Variants in RBM33 observed in about 807,000 individuals in gnomAD.
The protein encoded by RBM33 is RNA binding motif protein 33, also known as RNA-binding protein 33.
In RBM33, 28 loss-of-function variants were observed where a neutral mutation model predicts 132.6. That is an observed-to-expected ratio of 0.21 (90% CI 0.16 to 0.29). The LOEUF (loss-of-function observed/expected upper bound fraction) is 0.29, where lower values mean the gene tolerates loss of function less well. Among genes scored for constraint, RBM33 ranks in the 10% least tolerant of loss-of-function variants. The pLI is 1.00. For missense variants in RBM33, 1,291 were observed against 1,518.5 expected, an observed-to-expected ratio of 0.85 and a Z score of 2.49; for synonymous variants, 634 against 593.0, an observed-to-expected ratio of 1.07 and a Z score of -1.01.
intron 2 of RBM33, among the ~76,000 whole-genome samples, chr7:155,670,751 T>C (rs1036494775): frequency 6.6e-6 from 1 of 152,232 alleles, no homozygotes; most frequent in African/African-American, 2.4e-5. Context: ...GGGGCTGCTG[T>C]TTATACTTGC....
intron 9 of RBM33, among the ~76,000 whole-genome samples, chr7:155,731,817 A>G (rs1800964451): frequency 6.6e-6 from 1 of 152,236 alleles, no homozygotes; most frequent in African/African-American, 2.4e-5. Context: ...GCAGTAAGAT[A>G]CAATCATGGA....
chr7:155,738,431 GA>G, intron 11 of RBM33, 28 bp downstream of exon 11: 1 of 1,565,250 alleles, frequency 6.4e-7, no homozygotes, highest in Non-Finnish European at 8.7e-7. Context: ...AACCTCCAGG[GA>G]AAAAATGTGT....
chr7:155,685,700 A>G (rs1028606210), intron 5 of RBM33, among the ~76,000 whole-genome samples: 15 of 152,206 alleles, frequency 9.9e-5, no homozygotes, highest in African/African-American at 3.4e-4. Context: ...GGGGTGAGGC[A>G]TAGAGTTAAA....
At chr7:155,685,851 T>C (rs1188144495) in intron 5 of RBM33, among the ~76,000 whole-genome samples, 1 of 152,252 alleles carries the variant, frequency 6.6e-6, no homozygotes, top group Non-Finnish European at 1.5e-5. Context: ...AAAACTGATA[T>C]TTACTGGCTT....
At chr7:155,724,470 G>C (rs1360262609) in intron 9 of RBM33, among the ~76,000 whole-genome samples, 1 of 152,214 alleles carries the variant, frequency 6.6e-6, no homozygotes, top group African/African-American at 2.4e-5. Flanking sequence ...GGAGGTTGCA[G>C]TGAGCTGAGA....
intron 9 of RBM33, among the ~76,000 whole-genome samples, chr7:155,729,494 T>G (rs928984410): frequency 2.0e-5 from 3 of 152,136 alleles, no homozygotes; most frequent in African/African-American, 7.2e-5. Context: ...CCCAGTGATT[T>G]GGGAGGCCAA....
chr7:155,690,631 C>T (rs1405902123), intron 5 of RBM33, among the ~76,000 whole-genome samples: 1 of 152,132 alleles, frequency 6.6e-6, no homozygotes, highest in East Asian at 1.9e-4. Flanking sequence ...ACGTTTACTG[C>T]TTTCTTCAGG....
At chr7:155,757,886 T>TG (rs71522017) in intron 14 of RBM33, among the ~76,000 whole-genome samples, 1 of 95,736 alleles carries the variant, frequency 1.0e-5, no homozygotes, top group African/African-American at 4.2e-5. Flanking sequence ...TGGTGTGGGG[T>TG]GGGGGGCGGG....
Position 155,763,896 on chromosome 7 carries a change from C to A in RBM33, c.3064C>A (p.Arg1022Ser). 6.2e-7 allele frequency: 1 copy of A among 1,610,066 alleles called. No individual in the cohort carries two copies. The highest frequency in any genetic ancestry group is 1.7e-5 in the Admixed American group (1 of 59,464). ...QPPEVGPQPA[R>S]KVTLTRGGLQ... ...TCCGGAAGTGGGACCACAGCCTGCC[C>A]GCAAGGTGACGCTGACCAGGGGGGG... The change falls in exon 15 of 18, where the codon CGC (arginine) becomes AGC (serine). Residue 1022 changes from arginine to serine, a missense_variant. Coordinates refer to ENST00000401878, the MANE Select transcript of RBM33 (RefSeq NM_053043.3).
intron 1 of RBM33, among the ~76,000 whole-genome samples, chr7:155,646,912 G>A (rs1798213237): frequency 6.6e-6 from 1 of 152,198 alleles, no homozygotes; most frequent in Admixed American, 6.5e-5. Context: ...ATGAATTAAA[G>A]GATGAAATGT....
At chr7:155,724,990 T>TTGTGTGTGTGTGTG (rs56739117) in intron 9 of RBM33, among the ~76,000 whole-genome samples, 7 of 123,290 alleles carry the variant, frequency 5.7e-5, no homozygotes, top group East Asian at 2.3e-4. Context: ...GTGTACAGGT[T>TTGTGTGTGTGTGTG]TGTGTGTGTG....
At chr7:155,660,345 C>T (rs1432988469) in intron 1 of RBM33, among the ~76,000 whole-genome samples, 1 of 152,232 alleles carries the variant, frequency 6.6e-6, no homozygotes, top group Non-Finnish European at 1.5e-5. Context: ...GTTGAGATTA[C>T]AGGCATGAGT....
intron 6 of RBM33, among the ~76,000 whole-genome samples, chr7:155,706,018 C>G (rs990094543): frequency 2.6e-5 from 4 of 152,184 alleles, no homozygotes; most frequent in Admixed American, 2.0e-4. Context: ...TATGAAATCA[C>G]CTTGACTTCG....
At chr7:155,753,852 G>A (rs1801762835) in intron 14 of RBM33, among the ~76,000 whole-genome samples, 1 of 152,236 alleles carries the variant, frequency 6.6e-6, no homozygotes, top group Non-Finnish European at 1.5e-5. Flanking sequence ...CTAATGAGTG[G>A]TAAAATGGCC....
intron 7 of RBM33, among the ~76,000 whole-genome samples, chr7:155,708,447 G>A (rs547994816): frequency 6.6e-6 from 1 of 152,324 alleles, no homozygotes; most frequent in South Asian, 2.1e-4. Flanking sequence ...TACGAGGCCA[G>A]TGTTTACGTA....
Position 155,731,746 on chromosome 7 carries a change from C to T in RBM33, c.1261-5784C>T, listed in dbSNP as rs555172338. Reference sequence around the variant, plus strand: ...TTTCAATTGATGGTGGGTAACTCAACCCCAGAAAGTGAAACTGTGGATAAG... The same window carrying T: ...TTTCAATTGATGGTGGGTAACTCAATCCCAGAAAGTGAAACTGTGGATAAG... On this transcript the variant is annotated intron_variant, in intron 9 of 17. Coordinates refer to ENST00000401878, the MANE Select transcript of RBM33 (RefSeq NM_053043.3). Among the ~76,000 whole-genome samples the T allele has an allele frequency of 1.3e-4, 20 of 152,256 alleles. No homozygotes were observed. The South Asian group carries it at 4.1e-3, about 32-fold the overall frequency.
At chr7:155,721,892 T>C (rs1800638889) in intron 9 of RBM33, among the ~76,000 whole-genome samples, 1 of 152,210 alleles carries the variant, frequency 6.6e-6, no homozygotes, top group Non-Finnish European at 1.5e-5. Flanking sequence ...AACAAATAAC[T>C]GAATGTCAAA....
chr7:155,760,010 G>C (rs1460661685), intron 14 of RBM33, among the ~76,000 whole-genome samples: 1 of 152,188 alleles, frequency 6.6e-6, no homozygotes, highest in Non-Finnish European at 1.5e-5. Flanking sequence ...TAGTAAATAG[G>C]TGTGTACTGA....
At chr7:155,771,853 C>T (rs1041463770) in intron 16 of RBM33, among the ~76,000 whole-genome samples, 2 of 151,958 alleles carry the variant, frequency 1.3e-5, no homozygotes, top group African/African-American at 4.9e-5. Context: ...GATCCTTCCG[C>T]CTCAGCCTTC....
Sources: gnomAD v4.1 joint callset for allele counts (sites outside exome capture counted in the v4.1 genomes callset) on GRCh38, gnomAD v4.1.1 for gene constraint, MANE v1.5 for transcripts, NCBI Gene and HGNC (gene_info 2026-07-23, HGNC 2026-07-21) for gene names.